RBM23: variants seen among roughly 807,000 people sequenced by gnomAD.
RBM23 encodes probable RNA-binding protein 23.
A neutral mutation model predicts 56.2 loss-of-function variants in RBM23; 53 were observed. That is an observed-to-expected ratio of 0.94 (90% CI 0.76 to 1.19). RBM23 has a LOEUF of 1.19. Ranked by LOEUF, RBM23 falls within the 50% of genes most tolerant of loss-of-function variation. The probability of loss-of-function intolerance (pLI) is 0.00; values close to 1 mark genes in which losing one functional copy is unlikely to be tolerated. For missense variants in RBM23, 642 were observed against 590.3 expected (o/e 1.09, Z -0.91); for synonymous variants, 197 against 198.5 (o/e 0.99, Z 0.06).
chr14:22,901,671 A>G lies in RBM23; in HGVS notation c.*59T>C. 1 of 1,584,460 alleles carries G rather than the reference A, an allele frequency of 6.3e-7. No homozygotes were observed. Among genetic ancestry groups the G allele is most frequent in the South Asian group, 1.1e-5 (1 of 90,412 alleles). On this transcript the variant is annotated 3_prime_UTR_variant, in exon 14 of 14. Transcript: ENST00000359890. ...AAATGGAGAAATGGGGCCATGGAAG[A>G]GTAGATGTGAAGTGGCAGGATCCAG... is the stretch of plus-strand genomic sequence containing the variant.
Position 22,901,377 on chromosome 14 carries a change from C to A in RBM23, c.*353G>T. 4.0e-6 allele frequency: 1 copy of A among 252,072 alleles called. No homozygotes were observed. Among genetic ancestry groups the A allele is most frequent in the Non-Finnish European group, 6.7e-6 (1 of 149,518 alleles). 15.6% of individuals were successfully genotyped at this position (252,072 alleles called of 1,614,324 possible). ...ACAGGAAAAGGAGAGAGGTCAGTTC[C>A]TTCAGTATGCCCTATGGCCTTCCCA... On this transcript the variant is annotated 3_prime_UTR_variant, in exon 14 of 14. Transcript: ENST00000359890.
rs2040261454 is a variant in RBM23, at chr14:22,897,173, A to G, written c.*4557T>C. The G allele has an allele frequency of 1.3e-5, 2 of 152,256 alleles. No homozygotes were observed. Among genetic ancestry groups the G allele is most frequent in the Admixed American group, 1.3e-4 (2 of 15,288 alleles). 9.4% of individuals were successfully genotyped at this position (152,256 alleles called of 1,614,324 possible). A position where few individuals can be genotyped will look rare whatever the true frequency, so the allele number is the denominator to read the frequency against. ...TTTAACACTTTAATGAACAGCATTC[A>G]TTCAATTCTACAGACATTTAATATG... On this transcript the variant is annotated 3_prime_UTR_variant, in exon 14 of 14. Coordinates refer to ENST00000359890, the MANE Select transcript of RBM23 (RefSeq NM_001077351.2).
chr14:22,901,904 G>A (rs765181593), intron 12 of RBM23, 21 bp from the exon 13 acceptor site: 9 of 1,614,074 alleles, frequency 5.6e-6, no homozygotes, highest in African/African-American at 1.3e-5. Context: ...GACAGGCAGA[G>A]TGAGTGAGCA....
intron 1 of RBM23, among the ~76,000 whole-genome samples, chr14:22,913,053 C>A (rs1351988997): frequency 1.7e-5 from 2 of 120,588 alleles, no homozygotes; most frequent in Non-Finnish European, 3.4e-5. Flanking sequence ...TCAAAGAAAG[C>A]AGAAAGCACA....
chr14:22,903,231 T>C, intron 10 of RBM23: 1 of 985,400 alleles, frequency 1.0e-6, no homozygotes, highest in African/African-American at 1.7e-5. Flanking sequence ...AGGCCTTTAC[T>C]CTCTAGTCCC....
chr14:22,902,472 G>A (rs1195559525), intron 10 of RBM23, 90 bp from the exon 11 acceptor site: 19 of 1,479,852 alleles, frequency 1.3e-5, no homozygotes, highest in Non-Finnish European at 1.6e-5. Context: ...ACTATCCCAG[G>A]AAAATTGTAT....
intron 10 of RBM23, chr14:22,903,994 C>T (rs2041073507): frequency 7.2e-7 from 1 of 1,396,520 alleles, no homozygotes; most frequent in Non-Finnish European, 9.3e-7. Flanking sequence ...GTTACTATTA[C>T]CCAAAGAGCC....
At chr14:22,914,193 C>T (rs923686725) in intron 1 of RBM23, among the ~76,000 whole-genome samples, 10 of 151,922 alleles carry the variant, frequency 6.6e-5, no homozygotes, top group Non-Finnish European at 1.5e-4. Context: ...GGCATGGTGG[C>T]GCACGCCTGT....
chr14:22,907,028 G>C (rs1349549348), intron 4 of RBM23, among the ~76,000 whole-genome samples: 1 of 152,208 alleles, frequency 6.6e-6, no homozygotes, highest in African/African-American at 2.4e-5. Flanking sequence ...ACAAAAATTA[G>C]CCAGGTGTGG....
chr14:22,914,783 T>C (rs1286131833), intron 1 of RBM23, among the ~76,000 whole-genome samples: 1 of 151,888 alleles, frequency 6.6e-6, no homozygotes, highest in South Asian at 2.1e-4. Context: ...AGGAGTTCAA[T>C]ACCAGCCTGA....
At chr14:22,918,687 T>C (rs2044025512) in intron 1 of RBM23, among the ~76,000 whole-genome samples, 1 of 152,038 alleles carries the variant, frequency 6.6e-6, no homozygotes, top group Non-Finnish European at 1.5e-5. Flanking sequence ...ATGCTCCCTC[T>C]CCAGTGTGGG....
chr14:22,912,849 A>C (rs1555345655), intron 1 of RBM23, among the ~76,000 whole-genome samples: 1 of 151,684 alleles, frequency 6.6e-6, no homozygotes, highest in Non-Finnish European at 1.5e-5. Context: ...AAAATACAAA[A>C]ATTAGCTGGA....
chr14:22,906,340 G>T lies in RBM23; in HGVS notation c.256C>A (p.Arg86=). The T allele has an allele frequency of 6.2e-7, 1 of 1,614,112 alleles. No individual in the cohort carries two copies. Among genetic ancestry groups the T allele is most frequent in the Non-Finnish European group, 8.5e-7 (1 of 1,180,032 alleles). The change falls in exon 5 of 14, where the codon CGG becomes AGG. Residue 86 remains arginine (R), a synonymous_variant. Coordinates refer to ENST00000359890, the MANE Select transcript of RBM23 (RefSeq NM_001077351.2). The stretch of plus-strand genomic sequence containing the variant: ...GGACTTCGGCTCCGACTATTTCTCC[G>T]TCTATACCGATCCCGATCTCGACTA... ...SRSRDRDRYR[R]RNSRSRSPGR... is the part of the protein sequence containing the mutation.
At position 22,911,320 on chromosome 14, in the gene RBM23, A is replaced by G. The variant is rs2042479937; in HGVS notation, c.66+8T>C. 3 of 1,612,962 alleles carry G rather than the reference A, an allele frequency of 1.9e-6. No individual in the cohort carries two copies. The highest frequency in any genetic ancestry group is 2.5e-6 in the Non-Finnish European group (3 of 1,179,248). ...ACCCAATTCCAGGAGTGAGGTGGAA[A>G]ATATTACCTCTTCTTTTTTATAGGG... On this transcript the variant is annotated splice_region_variant and intron_variant, in intron 2 of 13. Coordinates refer to ENST00000359890, the MANE Select transcript of RBM23 (RefSeq NM_001077351.2).
In RBM23 at chr14:22,894,122, C is replaced by A. The variant is rs940728447; in HGVS notation, c.*7608G>T. The A allele has an allele frequency of 6.6e-6, 1 of 152,164 alleles. No homozygotes were observed. The highest frequency in any genetic ancestry group is 1.5e-5 in the Non-Finnish European group (1 of 68,042). The allele number at this position is 152,164 out of a possible 1,614,324, so 9.4% of individuals were successfully genotyped here. A position where few individuals can be genotyped will look rare whatever the true frequency, so the allele number is the denominator to read the frequency against. On this transcript the variant is annotated 3_prime_UTR_variant, in exon 14 of 14. Coordinates refer to ENST00000359890, the MANE Select transcript of RBM23 (RefSeq NM_001077351.2). Reference sequence around the variant, plus strand: ...ATTTCTCAAGCATTATACAGAGAAGCGGTGGAAGTAGTAATGCCTTTTGCA... The same window carrying A: ...ATTTCTCAAGCATTATACAGAGAAGAGGTGGAAGTAGTAATGCCTTTTGCA...
At position 22,902,302 on chromosome 14, in the gene RBM23, G is replaced by A. The variant is rs776540894; in HGVS notation, c.1011C>T (p.Gly337=). The part of the protein sequence containing the change: ...FELAGRPMRV[G]HVTERLDGGT... ...CACCATCCAGTCGCTCAGTCACATG[G>A]CCAACCCTCATAGGTCGACCAGCAA... Residue 337 remains glycine (G), a synonymous_variant, in exon 11 of 14, where the codon GGC becomes GGT. Coordinates refer to ENST00000359890, the MANE Select transcript of RBM23 (RefSeq NM_001077351.2). 2.1e-4 allele frequency: 332 copies of A among 1,614,028 alleles called. No individual in the cohort carries two copies. Among genetic ancestry groups the A allele is most frequent in the Non-Finnish European group, 1.8e-4 (210 of 1,180,038 alleles).
chr14:22,900,666 T>G lies in RBM23; in HGVS notation c.*1064A>C, dbSNP rs2040373228. The G allele has an allele frequency of 3.3e-5, 5 of 152,122 alleles. No individual in the cohort carries two copies. The highest frequency in any genetic ancestry group is 2.0e-4 in the Admixed American group (3 of 15,270). 9.4% of individuals were successfully genotyped at this position (152,122 alleles called of 1,614,324 possible). On this transcript the variant is annotated 3_prime_UTR_variant, in exon 14 of 14. Coordinates refer to ENST00000359890, the MANE Select transcript of RBM23 (RefSeq NM_001077351.2). ...ACAATGATGTTACTAATGTTTTATA[T>G]CCCTAGAAACATCATAAGTTGGGCT...
Position 22,900,486 on chromosome 14 carries a change from A to G in RBM23, c.*1244T>C, listed in dbSNP as rs1052701127. Reference sequence around the variant, plus strand: ...GTGCTGCAACTTGGCTGTTTGGGTAATTCTGTCCAGTGGGTAGCTGGGATG... The same window carrying G: ...GTGCTGCAACTTGGCTGTTTGGGTAGTTCTGTCCAGTGGGTAGCTGGGATG... On this transcript the variant is annotated 3_prime_UTR_variant, in exon 14 of 14. Coordinates refer to ENST00000359890, the MANE Select transcript of RBM23 (RefSeq NM_001077351.2). 2 of 152,294 alleles carry G rather than the reference A, an allele frequency of 1.3e-5. No homozygotes were observed. Among genetic ancestry groups the G allele is most frequent in the African/African-American group, 2.4e-5 (1 of 41,452 alleles). The allele number at this position is 152,294 out of a possible 1,614,324, so 9.4% of individuals were successfully genotyped here. A position where few individuals can be genotyped will look rare whatever the true frequency, so the allele number is the denominator to read the frequency against.
rs1269355147 is a variant in RBM23, at chr14:22,895,522, C to T, written c.*6208G>A. The T allele has an allele frequency of 6.6e-6, 1 of 152,146 alleles. No homozygotes were observed. 9.4% of individuals were successfully genotyped at this position (152,146 alleles called of 1,614,324 possible). A position where few individuals can be genotyped will look rare whatever the true frequency, so the allele number is the denominator to read the frequency against. On this transcript the variant is annotated 3_prime_UTR_variant, in exon 14 of 14. Coordinates refer to ENST00000359890, the MANE Select transcript of RBM23 (RefSeq NM_001077351.2). ...GGGTGCTCTCAGGCAGTTGTGGTGG[C>T]TCACACCTATAATCCTAGCACTTTG...
Sources: allele counts gnomAD v4.1 joint callset (sites outside exome capture counted in the v4.1 genomes callset), GRCh38; gene constraint gnomAD v4.1.1; transcripts MANE v1.5; gene names NCBI Gene and HGNC (gene_info 2026-07-23, HGNC 2026-07-21).